COL26A1: variants seen among roughly 807,000 people sequenced by gnomAD.
The protein encoded by COL26A1 is collagen alpha-1(XXVI) chain.
In COL26A1, 41 loss-of-function variants were observed where a neutral mutation model predicts 59.3. The ratio of observed to expected loss-of-function variants is 0.69; its 90% CI spans 0.54 to 0.90. The LOEUF (loss-of-function observed/expected upper bound fraction) is 0.90. COL26A1 is among the 40% of genes least tolerant of loss of function. The pLI is 0.00. For missense variants in COL26A1, 612 were observed against 602.3 expected (o/e 1.02, Z -0.17); for synonymous variants, 266 against 256.0 (o/e 1.04, Z -0.37).
intron 3 of COL26A1, among the ~76,000 whole-genome samples, chr7:101,448,089 C>T (rs1164904240): frequency 1.3e-5 from 2 of 152,190 alleles, no homozygotes; most frequent in African/African-American, 2.4e-5. Flanking sequence ...CGGTTTCTTC[C>T]ACTTTTGGCT....
intron 1 of COL26A1, among the ~76,000 whole-genome samples, chr7:101,401,776 AGGAG>A: frequency 6.6e-6 from 1 of 151,674 alleles, no homozygotes; most frequent in African/African-American, 2.4e-5. Flanking sequence ...GGAGAAGAGG[AGGAG>A]GAGGAGGAAG....
intron 12 of COL26A1, 34 bp from the exon 13 acceptor site, chr7:101,557,336 C>A (rs763500641): frequency 8.2e-6 from 13 of 1,593,368 alleles, no homozygotes; most frequent in Non-Finnish European, 6.9e-6. Flanking sequence ...TCCTAAGGCT[C>A]TACCTCGAGT....
chr7:101,371,160 G>A (rs1292232655), intron 1 of COL26A1, among the ~76,000 whole-genome samples: 2 of 152,192 alleles, frequency 1.3e-5, no homozygotes, highest in Admixed American at 1.3e-4. Context: ...CTGAGCCCAC[G>A]TGTAGGTAGG....
intron 1 of COL26A1, among the ~76,000 whole-genome samples, chr7:101,416,854 C>G (rs1054586356): frequency 2.1e-5 from 3 of 143,260 alleles, no homozygotes; most frequent in African/African-American, 7.4e-5. Context: ...ATCCTCCTGC[C>G]TCAGCCTCCT....
In COL26A1 at chr7:101,390,148, G is replaced by GT. The variant is rs60091954; in HGVS notation, c.158+26985dup. 7.7e-3 allele frequency among the ~76,000 whole-genome samples: 554 copies of GT among 72,358 alleles called. 45 individuals carry two copies. The highest frequency in any genetic ancestry group is 0.021 in the East Asian group (47 of 2,258). 47.5% of individuals were successfully genotyped at this position (72,358 alleles called of 152,430 possible). ...AGACCTTTTAGGTCTCATGTTAAGG[G>GT]TTTTTTTTTTTTTTTTTTTTTTTTT... is the stretch of plus-strand genomic sequence containing the variant. On this transcript the variant is annotated intron_variant, in intron 1 of 12. Transcript: ENST00000313669.
chr7:101,516,918 C>T (rs992486920), intron 3 of COL26A1, among the ~76,000 whole-genome samples: 1 of 152,082 alleles, frequency 6.6e-6, no homozygotes, highest in Non-Finnish European at 1.5e-5. Context: ...TGGGTGATTT[C>T]CCAGGCTGGA....
chr7:101,404,595 T>C (rs1036517621), intron 1 of COL26A1, among the ~76,000 whole-genome samples: 2 of 152,162 alleles, frequency 1.3e-5, no homozygotes, highest in African/African-American at 4.8e-5. Flanking sequence ...TAGCAGATGT[T>C]ACCATTAAAC....
chr7:101,524,653 G>A (rs931316502), intron 3 of COL26A1, among the ~76,000 whole-genome samples: 3 of 152,118 alleles, frequency 2.0e-5, no homozygotes, highest in African/African-American at 7.2e-5. Flanking sequence ...ATAGTTTTCA[G>A]GAGATTTAGT....
At chr7:101,408,024 T>C (rs1792168061) in intron 1 of COL26A1, among the ~76,000 whole-genome samples, 1 of 152,222 alleles carries the variant, frequency 6.6e-6, no homozygotes, top group Non-Finnish European at 1.5e-5. Flanking sequence ...GAACGTCTGC[T>C]GCTGCTGTGC....
At chr7:101,464,769 C>T (rs1404345645) in intron 3 of COL26A1, among the ~76,000 whole-genome samples, 1 of 151,858 alleles carries the variant, frequency 6.6e-6, no homozygotes, top group Non-Finnish European at 1.5e-5. Flanking sequence ...GCTCGGTTGC[C>T]CAGATGATCA....
intron 10 of COL26A1, among the ~76,000 whole-genome samples, chr7:101,552,624 T>G (rs532442918): frequency 4.0e-5 from 6 of 150,966 alleles, no homozygotes; most frequent in Non-Finnish European, 8.8e-5. Flanking sequence ...CTCAAAAAAT[T>G]GGCTGGGTGC....
chr7:101,512,064 T>C (rs919969926), intron 3 of COL26A1, among the ~76,000 whole-genome samples: 1 of 152,040 alleles, frequency 6.6e-6, no homozygotes, highest in Non-Finnish European at 1.5e-5. Context: ...GTGCTCTAGG[T>C]GCCCCAGTTA....
At chr7:101,551,792 A>G (rs1029251306) in intron 10 of COL26A1, among the ~76,000 whole-genome samples, 37 of 151,586 alleles carry the variant, frequency 2.4e-4, no homozygotes, top group African/African-American at 8.5e-4. Flanking sequence ...CTCTAGGGCC[A>G]AGGAGTCAGG....
chr7:101,381,339 C>G (rs1016922837), intron 1 of COL26A1, among the ~76,000 whole-genome samples: 1 of 152,016 alleles, frequency 6.6e-6, no homozygotes, highest in Non-Finnish European at 1.5e-5. Flanking sequence ...CTTCCTGCCT[C>G]TCTCTTGTAT....
chr7:101,370,519 C>T lies in COL26A1; in HGVS notation c.158+7329C>T, dbSNP rs554601195. On this transcript the variant is annotated intron_variant, in intron 1 of 12. Coordinates refer to ENST00000313669, the MANE Select transcript of COL26A1 (RefSeq NM_001278563.3). ...CCGACTAGCTGGTATTACAGGCATGCACCACCATGCCTGGCTAATTTTTTG... is the reference window on the plus strand; with the variant it reads ...CCGACTAGCTGGTATTACAGGCATGTACCACCATGCCTGGCTAATTTTTTG... Among the ~76,000 whole-genome samples the T allele has an allele frequency of 2.8e-3, 431 of 151,900 alleles. 2 individuals are homozygous for T. The highest frequency in any genetic ancestry group is 9.7e-3 in the African/African-American group (400 of 41,434).
chr7:101,415,157 C>CCTT (rs1554407484), intron 1 of COL26A1, among the ~76,000 whole-genome samples: 3 of 147,198 alleles, frequency 2.0e-5, no homozygotes, highest in African/African-American at 2.5e-5. Context: ...AACCCCCCCC[C>CCTT]TTTTTTTTTT....
At chr7:101,371,082 C>T (rs1195024254) in intron 1 of COL26A1, among the ~76,000 whole-genome samples, 3 of 152,212 alleles carry the variant, frequency 2.0e-5, no homozygotes, top group Non-Finnish European at 4.4e-5. Flanking sequence ...TAGCCCTGCC[C>T]ACCACCCACC....
intron 3 of COL26A1, among the ~76,000 whole-genome samples, chr7:101,492,117 C>T (rs12537163): frequency 0.26 from 40,146 of 151,924 alleles, 5,673 homozygotes; most frequent in Middle Eastern, 0.32. Context: ...CGCTGGTAAG[C>T]CTGGATGTTG....
intron 10 of COL26A1, among the ~76,000 whole-genome samples, chr7:101,552,093 G>A (rs1040778653): frequency 2.0e-5 from 3 of 152,324 alleles, no homozygotes; most frequent in Non-Finnish European, 2.9e-5. Context: ...GCCTCCTCCC[G>A]TGCTTGTCTA....
Sources: allele counts gnomAD v4.1 joint callset (sites outside exome capture counted in the v4.1 genomes callset), GRCh38; gene constraint gnomAD v4.1.1; transcripts MANE v1.5; gene names NCBI Gene and HGNC (gene_info 2026-07-23, HGNC 2026-07-21).